GRIFIN: variants seen among roughly 807,000 people sequenced by gnomAD.
GRIFIN encodes galectin-related inter-fiber protein.
Under a neutral mutation model 18.2 loss-of-function variants are expected in GRIFIN, and 22 were observed. The ratio of observed to expected loss-of-function variants is 1.21; its 90% CI spans 0.86 to 1.73. GRIFIN has a LOEUF of 1.73. GRIFIN is among the 40% of genes most tolerant of loss of function. The pLI is 0.00. For synonymous variants in GRIFIN, 101 were observed against 82.8 expected (o/e 1.22, Z -1.19); for missense variants, 200 against 190.1 (o/e 1.05, Z -0.31).
At chr7:2,475,082 TG>T in intron 4 of GRIFIN, 58 bp downstream of exon 4, 1 of 1,512,728 alleles carries the variant, frequency 6.6e-7, no homozygotes. Context: ...AAATCCCTGC[TG>T]GGGTGGGCAG....
At position 2,476,018 on chromosome 7, in the gene GRIFIN, G is replaced by T. The variant is rs1016641620; in HGVS notation, c.13-19C>A. ...CTTTAGACTGAGTGGAAGAGACAGGGGGACCAGCCTCATGGGGCTGCAGCC... is the reference window on the plus strand; with the variant it reads ...CTTTAGACTGAGTGGAAGAGACAGGTGGACCAGCCTCATGGGGCTGCAGCC... On this transcript the variant is annotated intron_variant, in intron 1 of 4. Coordinates refer to ENST00000614228, the MANE Select transcript of GRIFIN (RefSeq NM_001394787.1). 1 of 1,592,916 alleles carries T rather than the reference G, an allele frequency of 6.3e-7. No homozygotes were observed. The highest frequency in any genetic ancestry group is 1.1e-5 in the South Asian group (1 of 90,754).
chr7:2,475,221 C>T lies in GRIFIN; in HGVS notation c.339G>A (p.Leu113=), dbSNP rs750322101. 1.1e-5 allele frequency: 18 copies of T among 1,596,874 alleles called. No individual in the cohort carries two copies. The highest frequency in any genetic ancestry group is 1.4e-5 in the Non-Finnish European group (17 of 1,178,938). ...GCACGCGCACCCTGGTGGTGGCGCCCAGCGGCCTCTGACGGCATGGGAACT... is the reference window on the plus strand; with the variant it reads ...GCACGCGCACCCTGGTGGTGGCGCCTAGCGGCCTCTGACGGCATGGGAACT... The part of the protein sequence containing the change: ...VLQFPCRQRP[L]GATTRVRVLS... The change falls in exon 4 of 5, where the codon CTG becomes CTA. Residue 113 remains leucine (L), a synonymous_variant. Coordinates refer to ENST00000614228, the MANE Select transcript of GRIFIN (RefSeq NM_001394787.1).
Position 2,475,913 on chromosome 7 carries a change from C to T in GRIFIN, c.92+7G>A, listed in dbSNP as rs753383165. 6.4e-5 allele frequency: 102 copies of T among 1,597,756 alleles called. No individual in the cohort carries two copies. The highest frequency in any genetic ancestry group is 1.5e-4 in the Admixed American group (9 of 59,936). On this transcript the variant is annotated splice_region_variant and intron_variant, in intron 2 of 4. Transcript: ENST00000614228. ...AGGCCCAGCGAGGGGAGGGCGGTGC[C>T]GCTGACCTGTCCTCTCCAGAGTCAG...
rs756199415 is a variant in GRIFIN, at chr7:2,476,027, C to T, written c.13-28G>A. On this transcript the variant is annotated intron_variant, in intron 1 of 4. Coordinates refer to ENST00000614228, the MANE Select transcript of GRIFIN (RefSeq NM_001394787.1). ...GAGTGGAAGAGACAGGGGGACCAGCCTCATGGGGCTGCAGCCTCCTCCCTC... is the reference window on the plus strand; with the variant it reads ...GAGTGGAAGAGACAGGGGGACCAGCTTCATGGGGCTGCAGCCTCCTCCCTC... The T allele has an allele frequency of 3.8e-6, 6 of 1,584,882 alleles. No individual in the cohort carries two copies. In the South Asian group the frequency reaches 5.5e-5, roughly 15 times the overall value.
rs776760215 is a variant in GRIFIN, at chr7:2,475,886, C to G, written c.92+34G>C. ...AAAGAGCTGGGCCGGCCACCCAGCC[C>G]AAGGCCCAGCGAGGGGAGGGCGGTG... On this transcript the variant is annotated intron_variant, in intron 2 of 4. Transcript: ENST00000614228. 5.6e-6 allele frequency: 9 copies of G among 1,593,308 alleles called. No individual in the cohort carries two copies. The African/African-American group carries it at 1.2e-4, about 21-fold the overall frequency.
chr7:2,475,648 C>T (rs1778947634), intron 3 of GRIFIN, 21 bp downstream of exon 3: 1 of 1,466,188 alleles, frequency 6.8e-7, no homozygotes, highest in South Asian at 1.3e-5. Flanking sequence ...CTAGCCCAGG[C>T]CCCACCCAGG....
chr7:2,474,939 G>T, intron 4 of GRIFIN, 54 bp from the exon 5 acceptor site: 1 of 632,038 alleles, frequency 1.6e-6, no homozygotes, highest in Non-Finnish European at 2.7e-6. Context: ...GCACAGACCA[G>T]GGTGGGAGGT....
Position 2,474,736 on chromosome 7 carries a change from C to G in GRIFIN, c.*134G>C, listed in dbSNP as rs1272932407. 2.4e-6 allele frequency: 1 copy of G among 409,014 alleles called. No homozygotes were observed. The highest frequency in any genetic ancestry group is 4.3e-6 in the Non-Finnish European group (1 of 232,274). The allele number at this position is 409,014 out of a possible 1,614,324, so 25.3% of individuals were successfully genotyped here. A position where few individuals can be genotyped will look rare whatever the true frequency, so the allele number is the denominator to read the frequency against. The stretch of plus-strand genomic sequence containing the variant: ...AGCAGCCAAACGCCTGCAGCCTTCT[C>G]AGAGTTTATTGAAGGTGGAGCTGCG... On this transcript the variant is annotated 3_prime_UTR_variant, in exon 5 of 5. Transcript: ENST00000614228.
At position 2,475,326 on chromosome 7, in the gene GRIFIN, G is replaced by A. The variant is rs926149058; in HGVS notation, c.253-19C>T. The stretch of plus-strand genomic sequence containing the variant: ...CCTCTATCTGGGCAGGCTGGGGCCA[G>A]TGACCTCAGTGCCAGCCCCCAGGGC... On this transcript the variant is annotated intron_variant, in intron 3 of 4. Coordinates refer to ENST00000614228, the MANE Select transcript of GRIFIN (RefSeq NM_001394787.1). 13 of 1,581,154 alleles carry A rather than the reference G, an allele frequency of 8.2e-6. No homozygotes were observed. The highest frequency in any genetic ancestry group is 1.7e-5 in the Admixed American group (1 of 57,572).
chr7:2,475,210 G>T lies in GRIFIN; in HGVS notation c.350C>A (p.Thr117Asn), dbSNP rs554555823. Residue 117 changes from threonine to asparagine, a missense_variant, in exon 4 of 5, where the codon ACC (threonine) becomes AAC (asparagine). Coordinates refer to ENST00000614228, the MANE Select transcript of GRIFIN (RefSeq NM_001394787.1). ...PCRQRPLGAT[T>N]RVRVLSDHCL... ...GTGGTCACTCAGCACGCGCACCCTG[G>T]TGGTGGCGCCCAGCGGCCTCTGACG... 2 of 1,596,266 alleles carry T rather than the reference G, an allele frequency of 1.3e-6. No individual in the cohort carries two copies. The highest frequency in any genetic ancestry group is 2.2e-5 in the South Asian group (2 of 90,450).
intron 3 of GRIFIN, 117 bp from the exon 4 acceptor site, chr7:2,475,424 C>A (rs538912179): frequency 1.5e-4 from 202 of 1,363,238 alleles, no homozygotes; most frequent in Non-Finnish European, 1.9e-4. Flanking sequence ...TGGCAGGCCC[C>A]GGGGGTCCCT....
At chr7:2,474,955 AT>A in intron 4 of GRIFIN, 70 bp from the exon 5 acceptor site, 1 of 668,064 alleles carries the variant, frequency 1.5e-6, no homozygotes, top group Non-Finnish European at 2.5e-6. Context: ...GAGGTGGACC[AT>A]GGCCCTGCTC....
At chr7:2,475,895 G>T (rs1778955957) in intron 2 of GRIFIN, 25 bp downstream of exon 2, 2 of 1,595,076 alleles carry the variant, frequency 1.3e-6, no homozygotes, top group Non-Finnish European at 1.7e-6. Flanking sequence ...CCAAGGCCCA[G>T]CGAGGGGAGG....
chr7:2,476,067 A>G (rs1170207664), intron 1 of GRIFIN, 68 bp from the exon 2 acceptor site: 16 of 691,766 alleles, frequency 2.3e-5, no homozygotes, highest in Non-Finnish European at 1.9e-6. Flanking sequence ...CCCCACCCCC[A>G]CCCTATCCCA....
Position 2,474,758 on chromosome 7 carries a change from T to C in GRIFIN, c.*112A>G, listed in dbSNP as rs969143326. On this transcript the variant is annotated 3_prime_UTR_variant, in exon 5 of 5. Coordinates refer to ENST00000614228, the MANE Select transcript of GRIFIN (RefSeq NM_001394787.1). ...TCTCAGAGTTTATTGAAGGTGGAGC[T>C]GCGAGGAGCACACAGGACCACAGAC... is the stretch of plus-strand genomic sequence containing the variant. The C allele has an allele frequency of 1.2e-5, 5 of 418,672 alleles. No individual in the cohort carries two copies. The highest frequency in any genetic ancestry group is 1.0e-4 in the African/African-American group (5 of 49,552). The allele number at this position is 418,672 out of a possible 1,614,324, so 25.9% of individuals were successfully genotyped here.
Position 2,475,961 on chromosome 7 carries a change from C to T in GRIFIN, c.51G>A (p.Trp17Ter), listed in dbSNP as rs745942198. ...CAGCATGTCCCTGGACCAGCAGCTT[C>T]CAGCCGGGGGCCAGGCCGCCCGCAC... is the stretch of plus-strand genomic sequence containing the variant. ...AFCAGGLAPGWKLLVQGHADS... is the reference protein window; with the variant it reads ...AFCAGGLAPG Residue 17 changes from tryptophan to a stop codon, truncating the protein, a stop_gained, in exon 2 of 5, where the codon TGG (tryptophan) becomes TGA (stop). Coordinates refer to ENST00000614228, the MANE Select transcript of GRIFIN (RefSeq NM_001394787.1). LOFTEE classifies it high-confidence loss of function. 2 of 1,598,290 alleles carry T rather than the reference C, an allele frequency of 1.3e-6. No homozygotes were observed. Among genetic ancestry groups the T allele is most frequent in the East Asian group, 2.2e-5 (1 of 44,864 alleles).
At chr7:2,475,588 C>G (rs950338793) in intron 3 of GRIFIN, 81 bp downstream of exon 3, 2 of 1,427,016 alleles carry the variant, frequency 1.4e-6, no homozygotes, top group Non-Finnish European at 1.8e-6. Flanking sequence ...AAGCGTCCAC[C>G]GTGAACCCGC....
rs767206796 is a variant in GRIFIN at position 2,475,776 on chromosome 7, G to T, written c.145C>A (p.Pro49Thr). The change falls in exon 3 of 5, where the codon CCC becomes ACC. Residue 49 changes from proline to threonine, a missense_variant. Coordinates refer to ENST00000614228, the MANE Select transcript of GRIFIN (RefSeq NM_001394787.1). Reference sequence around the variant, plus strand: ...ACCACAGTGGCGCTGGAGAACCGGGGCTTGATGTGGAAGGCAATGTCCCCC... The same window carrying T: ...ACCACAGTGGCGCTGGAGAACCGGGTCTTGATGTGGAAGGCAATGTCCCCC... ...ETGDIAFHIK[P>T]RFSSATVVGN... 3 of 1,573,102 alleles carry T rather than the reference G, an allele frequency of 1.9e-6. No individual in the cohort carries two copies. Among genetic ancestry groups the T allele is most frequent in the Admixed American group, 1.7e-5 (1 of 57,880 alleles).
rs573476427 is a variant in GRIFIN at position 2,474,760 on chromosome 7, C to T, written c.*110G>A. 2.1e-5 allele frequency: 9 copies of T among 419,858 alleles called. No individual in the cohort carries two copies. Among genetic ancestry groups the T allele is most frequent in the African/African-American group, 4.0e-5 (2 of 49,638 alleles). 26.0% of individuals were successfully genotyped at this position (419,858 alleles called of 1,614,324 possible). The stretch of plus-strand genomic sequence containing the variant: ...TCAGAGTTTATTGAAGGTGGAGCTG[C>T]GAGGAGCACACAGGACCACAGACCC... On this transcript the variant is annotated 3_prime_UTR_variant, in exon 5 of 5. Transcript: ENST00000614228.
Sources: gnomAD v4.1 joint callset for allele counts on GRCh38, gnomAD v4.1.1 for gene constraint, MANE v1.5 for transcripts, NCBI Gene and HGNC (gene_info 2026-07-23, HGNC 2026-07-21) for gene names.